Variants in LOC128462377 observed in about 807,000 individuals in gnomAD.
At chr16:89,388,106 T>C in the LOC128462377 span, among the ~76,000 whole-genome samples, 1 of 152,032 alleles carries the variant, frequency 6.6e-6, no homozygotes, top group East Asian at 1.9e-4. Context: ...AGAGTCCCTG[T>C]ACAGCCTTAC....
At chr16:89,335,222 C>A in the LOC128462377 span, among the ~76,000 whole-genome samples, 4 of 152,144 alleles carry the variant, frequency 2.6e-5, no homozygotes, top group Non-Finnish European at 5.9e-5. Context: ...GCGTTCCATG[C>A]AGGCTGGGAG....
the LOC128462377 span, among the ~76,000 whole-genome samples, chr16:89,368,677 G>A: frequency 6.6e-6 from 1 of 150,784 alleles, no homozygotes; most frequent in African/African-American, 2.4e-5. Context: ...GGAGGCTGAA[G>A]TGCTATAATT....
At chr16:89,329,330 G>A in the LOC128462377 span, among the ~76,000 whole-genome samples, 1 of 152,180 alleles carries the variant, frequency 6.6e-6, no homozygotes, top group African/African-American at 2.4e-5. Context: ...GCGAAGGTGG[G>A]GAAGGGCACA....
chr16:89,384,218 T>G, the LOC128462377 span, among the ~76,000 whole-genome samples: 4 of 152,018 alleles, frequency 2.6e-5, no homozygotes, highest in African/African-American at 9.7e-5. Flanking sequence ...AGACTCCATC[T>G]CAAAAACAAA....
the LOC128462377 span, among the ~76,000 whole-genome samples, chr16:89,374,213 G>A: frequency 6.6e-6 from 1 of 151,988 alleles, no homozygotes; most frequent in African/African-American, 2.4e-5. Context: ...AGACTTCAAA[G>A]ATTTACAGTA....
At chr16:89,387,079 C>A in the LOC128462377 span, among the ~76,000 whole-genome samples, 1 of 152,090 alleles carries the variant, frequency 6.6e-6, no homozygotes, top group Non-Finnish European at 1.5e-5. Context: ...CCACAGAAGG[C>A]CCCAGTGACA....
At chr16:89,388,483 C>G in the LOC128462377 span, among the ~76,000 whole-genome samples, 1 of 151,896 alleles carries the variant, frequency 6.6e-6, no homozygotes, top group Non-Finnish European at 1.5e-5. Context: ...AGAAAATAAG[C>G]AAGATTTGCG....
At chr16:89,361,295 G>A in the LOC128462377 span, among the ~76,000 whole-genome samples, 1 of 152,188 alleles carries the variant, frequency 6.6e-6, no homozygotes, top group Non-Finnish European at 1.5e-5. Context: ...GCCTTCCTTG[G>A]CCTCAGCACA....
the LOC128462377 span, among the ~76,000 whole-genome samples, chr16:89,387,476 T>C: frequency 1.3e-5 from 2 of 149,956 alleles, no homozygotes; most frequent in African/African-American, 4.9e-5. Context: ...ACCGAGACCA[T>C]CCCGGCTAAC....
At chr16:89,335,284 C>A in the LOC128462377 span, among the ~76,000 whole-genome samples, 1,516 of 152,248 alleles carry the variant, frequency 1.0e-2, 19 homozygotes, top group African/African-American at 0.035. Context: ...GCCAGTGCAC[C>A]CCCAAGCAGG....
chr16:89,397,545 T>C, the LOC128462377 span, among the ~76,000 whole-genome samples: 16 of 152,184 alleles, frequency 1.1e-4, no homozygotes, highest in African/African-American at 2.9e-4. Flanking sequence ...CGGGGAAGGG[T>C]TGAGCCCAGC....
the LOC128462377 span, among the ~76,000 whole-genome samples, chr16:89,346,480 G>T: frequency 6.6e-6 from 1 of 152,104 alleles, no homozygotes; most frequent in East Asian, 1.9e-4. Context: ...CAAGCTCCCA[G>T]GGAACAACAG....
At chr16:89,388,947 G>A in the LOC128462377 span, among the ~76,000 whole-genome samples, 1 of 152,186 alleles carries the variant, frequency 6.6e-6, no homozygotes, top group African/African-American at 2.4e-5. Flanking sequence ...AGCCCAAGAT[G>A]ACTTACAGGA....
the LOC128462377 span, among the ~76,000 whole-genome samples, chr16:89,321,985 T>G: frequency 6.6e-6 from 1 of 152,218 alleles, no homozygotes; most frequent in Non-Finnish European, 1.5e-5. Context: ...CTCAGTATTT[T>G]CACGTCTCTA....
the LOC128462377 span, among the ~76,000 whole-genome samples, chr16:89,386,149 A>G: frequency 6.6e-6 from 1 of 152,272 alleles, no homozygotes; most frequent in African/African-American, 2.4e-5. Context: ...AAGAAAATAC[A>G]ATACCGGCTT....
the LOC128462377 span, among the ~76,000 whole-genome samples, chr16:89,388,293 A>T: frequency 4.2e-4 from 36 of 85,280 alleles, 1 homozygote; most frequent in South Asian, 8.9e-4. Context: ...CATGAGGCTG[A>T]TTTTTTTTTT....
the LOC128462377 span, among the ~76,000 whole-genome samples, chr16:89,364,088 A>G: frequency 1.3e-5 from 2 of 151,976 alleles, no homozygotes; most frequent in African/African-American, 4.8e-5. Flanking sequence ...ACACACACTC[A>G]ATGGAAGGCA....
chr16:89,337,565 T>C, the LOC128462377 span, among the ~76,000 whole-genome samples: 6 of 148,182 alleles, frequency 4.0e-5, no homozygotes, highest in Admixed American at 6.9e-5. Context: ...ACCTCCCGAG[T>C]AGCTGGGACT....
chr16:89,405,625 T>C, the LOC128462377 span, among the ~76,000 whole-genome samples: 1 of 151,746 alleles, frequency 6.6e-6, no homozygotes, highest in Non-Finnish European at 1.5e-5. Context: ...TGAGCCGCCA[T>C]GCCCGGCTTT....
Sources: gnomAD v4.1 joint callset for allele counts (sites outside exome capture counted in the v4.1 genomes callset) on GRCh38, gnomAD v4.1.1 for gene constraint, MANE v1.5 for transcripts.